The following NCSTN variants were observed in gnomAD, a reference collection of about 807,000 sequenced individuals.
The protein encoded by NCSTN is anterior pharynx-defective 2.
In NCSTN, 22 loss-of-function variants were observed where a neutral mutation model predicts 87.0. The observed-to-expected ratio is 0.25, with a 90% CI of 0.18 to 0.36. The LOEUF (loss-of-function observed/expected upper bound fraction) is 0.36. NCSTN is among the 10% of genes least tolerant of loss of function. The probability of loss-of-function intolerance (pLI) is 1.00; values close to 1 mark genes in which losing one functional copy is unlikely to be tolerated. For synonymous variants in NCSTN, 306 were observed against 327.1 expected, an observed-to-expected ratio of 0.94 and a Z score of 0.69; for missense variants, 693 against 883.3, an observed-to-expected ratio of 0.78 and a Z score of 2.73.
intron 3 of NCSTN, 77 bp from the exon 4 acceptor site, chr1:160,349,472 T>C (rs769823353): frequency 6.3e-7 from 1 of 1,584,354 alleles, no homozygotes; most frequent in South Asian, 1.1e-5. Context: ...TCCCCATTTG[T>C]TTCCATCCTG....
rs773067948 is a variant in NCSTN, at chr1:160,343,415, G to T, written c.19G>T (p.Gly7Cys). Reference sequence around the variant, plus strand: ...AGGCAAGATGGCTACGGCAGGGGGTGGCTCTGGGGCTGACCCGGGAAGTCG... The same window carrying T: ...AGGCAAGATGGCTACGGCAGGGGGTTGCTCTGGGGCTGACCCGGGAAGTCG... MATAGG[G>C]SGADPGSRGL... The change falls in exon 1 of 17, where the codon GGC becomes TGC. Residue 7 changes from glycine (G) to cysteine (C), a missense_variant. By Grantham distance (159) the Gly-to-Cys change is radical (BLOSUM62 -3). Around this residue, in one of 4 missense-constraint regions of NCSTN, gnomAD observed 235 missense variants for 233.9 expected, o/e 1.00. Coordinates refer to ENST00000294785, the MANE Select transcript of NCSTN (RefSeq NM_015331.3). The T allele has an allele frequency of 6.2e-7, 1 of 1,612,868 alleles. No individual in the cohort carries two copies.
chr1:160,353,370 A>G, intron 10 of NCSTN, 133 bp downstream of exon 10: 5 of 1,550,140 alleles, frequency 3.2e-6, no homozygotes, highest in Non-Finnish European at 3.5e-6. Context: ...GTGTTGGCCA[A>G]AGGATGAACA....
intron 2 of NCSTN, among the ~76,000 whole-genome samples, chr1:160,346,234 G>C (rs927625601): frequency 6.6e-6 from 1 of 152,136 alleles, no homozygotes. Flanking sequence ...GGAAACTTGG[G>C]GTCTGATACT....
At chr1:160,358,013 C>T (rs545368129) in intron 16 of NCSTN, 136 bp from the exon 17 acceptor site, 1 of 1,090,380 alleles carries the variant, frequency 9.2e-7, no homozygotes, top group African/African-American at 1.5e-5. Flanking sequence ...AGAGATGTTG[C>T]CCATGATTAT....
At chr1:160,354,410 C>A in intron 11 of NCSTN, 120 bp downstream of exon 11, 1 of 1,108,272 alleles carries the variant, frequency 9.0e-7, no homozygotes, top group Admixed American at 1.7e-5. Context: ...TCAGGTCCAT[C>A]TGTATTCTTT....
At chr1:160,351,185 A>T in intron 5 of NCSTN, 37 bp from the exon 6 acceptor site, 1 of 1,613,178 alleles carries the variant, frequency 6.2e-7, no homozygotes. Flanking sequence ...GGCCTCCACA[A>T]ACTAGCTGTC....
At chr1:160,343,907 C>T in intron 1 of NCSTN, 1 of 369,404 alleles carries the variant, frequency 2.7e-6, no homozygotes, top group Non-Finnish European at 5.4e-6. Flanking sequence ...CTTATTTCTT[C>T]CTCTGTTGAT....
Position 160,357,187 on chromosome 1 carries a change from A to C in NCSTN, c.1941A>C (p.Thr647=). The part of the protein sequence containing the change: ...LSQWSSTEYS[T]WTESRWKDIR... ...AGTGGAGCTCTACTGAATACTCTACATGGACTGAGAGCCGCTGGAAAGATA... is the reference window on the plus strand; with the variant it reads ...AGTGGAGCTCTACTGAATACTCTACCTGGACTGAGAGCCGCTGGAAAGATA... The change falls in exon 16 of 17, where the codon ACA becomes ACC. Residue 647 remains threonine (T), a synonymous_variant. Transcript: ENST00000294785. 3 of 1,614,192 alleles carry C rather than the reference A, an allele frequency of 1.9e-6. No homozygotes were observed. The highest frequency in any genetic ancestry group is 2.5e-6 in the Non-Finnish European group (3 of 1,180,032).
At chr1:160,351,909 C>T (rs919982186) in intron 7 of NCSTN, 104 bp downstream of exon 7, 31 of 1,471,306 alleles carry the variant, frequency 2.1e-5, no homozygotes, top group Non-Finnish European at 2.9e-5. Context: ...TGGGAAGCCT[C>T]AAATGGGGAG....
intron 8 of NCSTN, 140 bp downstream of exon 8, chr1:160,352,346 T>C: frequency 1.9e-6 from 2 of 1,051,150 alleles, no homozygotes; most frequent in Non-Finnish European, 2.8e-6. Flanking sequence ...TCTACATGTG[T>C]CTCCCCTTTA....
rs769217833 is a variant in NCSTN, at chr1:160,357,222, G to A, written c.1976G>A (p.Arg659Gln). ...AGCCGCTGGAAAGATATCCGTGCCC[G>A]GATATTTCTCATCGCCAGCAAAGAG... ...TESRWKDIRA[R>Q]IFLIASKELE... Residue 659 changes from arginine (R) to glutamine (Q), a missense_variant, in exon 16 of 17, where the codon CGG (arginine) becomes CAG (glutamine). Arg to Gln is a conservative substitution (Grantham distance 43, BLOSUM62 1). Transcript: ENST00000294785. 6 of 1,613,874 alleles carry A rather than the reference G, an allele frequency of 3.7e-6. No individual in the cohort carries two copies. Among genetic ancestry groups the A allele is most frequent in the African/African-American group, 1.3e-5 (1 of 74,914 alleles).
chr1:160,347,082 G>A (rs1178229616), intron 2 of NCSTN, among the ~76,000 whole-genome samples: 1 of 152,200 alleles, frequency 6.6e-6, no homozygotes, highest in African/African-American at 2.4e-5. Context: ...TCTACTCTAT[G>A]TTCTTAAAAC....
chr1:160,355,752 G>A lies in NCSTN; in HGVS notation c.1450G>A (p.Ala484Thr), dbSNP rs1649094644. The A allele has an allele frequency of 1.2e-6, 2 of 1,613,426 alleles. No homozygotes were observed. The highest frequency in any genetic ancestry group is 1.7e-6 in the Non-Finnish European group (2 of 1,179,294). Reference sequence around the variant, plus strand: ...GGACCTGAACTTTGTAACAGACACTGCCAAGGTAGCACTGAGCCAGGCTGG... The same window carrying A: ...GGACCTGAACTTTGTAACAGACACTACCAAGGTAGCACTGAGCCAGGCTGG... ...EEDLNFVTDT[A>T]KALADVATVL... The change falls in exon 12 of 17, where the codon GCC becomes ACC. Residue 484 changes from alanine (A) to threonine (T), a missense_variant. Ala to Thr is a moderately conservative substitution (Grantham distance 58, BLOSUM62 0). This residue lies in a region of NCSTN where 216 missense variants were observed against 311.7 expected (regional missense o/e 0.69). Transcript: ENST00000294785.
chr1:160,344,667 G>A, intron 1 of NCSTN, 55 bp from the exon 2 acceptor site: 10 of 1,603,454 alleles, frequency 6.2e-6, no homozygotes, highest in Non-Finnish European at 8.5e-6. Flanking sequence ...TGACACGATA[G>A]AAGCTAGTAC....
rs199697157 is a variant in NCSTN at position 160,350,166 on chromosome 1, G to T, written c.498G>T (p.Ser166=). Reference sequence around the variant, plus strand: ...ACTGCAGAGAAATACAGTGGAATTCGCTGGGCAATGGTTTGGCTTATGAAG... The same window carrying T: ...ACTGCAGAGAAATACAGTGGAATTCTCTGGGCAATGGTTTGGCTTATGAAG... The part of the protein sequence containing the change: ...FAHCREIQWN[S]LGNGLAYEDF... The change falls in exon 5 of 17, where the codon TCG becomes TCT. Residue 166 remains serine, a synonymous_variant. Transcript: ENST00000294785. 18 of 1,613,986 alleles carry T rather than the reference G, an allele frequency of 1.1e-5. 1 individual carries two copies. The East Asian group carries it at 2.7e-4, about 24-fold the overall frequency.
At chr1:160,344,588 G>A in intron 1 of NCSTN, 134 bp from the exon 2 acceptor site, 1 of 1,552,744 alleles carries the variant, frequency 6.4e-7, no homozygotes, top group Non-Finnish European at 8.7e-7. Flanking sequence ...GAAATCAGAA[G>A]AATGGACTTT....
Position 160,343,387 on chromosome 1 carries a change from G to C in NCSTN, c.-10G>C, listed in dbSNP as rs932174586. 3 of 1,612,918 alleles carry C rather than the reference G, an allele frequency of 1.9e-6. No individual in the cohort carries two copies. The highest frequency in any genetic ancestry group is 1.3e-5 in the African/African-American group (1 of 74,926). On this transcript the variant is annotated 5_prime_UTR_variant, in exon 1 of 17. Coordinates refer to ENST00000294785, the MANE Select transcript of NCSTN (RefSeq NM_015331.3). The stretch of plus-strand genomic sequence containing the variant: ...GCCGAACGGGGGCTTCCGCTCAGCA[G>C]AGAGGCAAGATGGCTACGGCAGGGG...
intron 2 of NCSTN, among the ~76,000 whole-genome samples, chr1:160,346,637 G>A (rs1015495521): frequency 1.8e-4 from 27 of 149,452 alleles, no homozygotes; most frequent in African/African-American, 5.9e-4. Context: ...ATGCAGTCTC[G>A]CCCTCTCGCC....
Position 160,349,682 on chromosome 1 carries a change from A to G in NCSTN, c.436+12A>G, listed in dbSNP as rs201065862. On this transcript the variant is annotated intron_variant, in intron 4 of 16. Transcript: ENST00000294785. ...AAATGATGGGTTTGGTAAGTGTCCCAAAGGATCAGGAGAGCCTACTGTCAC... is the reference window on the plus strand; with the variant it reads ...AAATGATGGGTTTGGTAAGTGTCCCGAAGGATCAGGAGAGCCTACTGTCAC... The G allele has an allele frequency of 4.3e-6, 7 of 1,613,278 alleles. No homozygotes were observed. The highest frequency in any genetic ancestry group is 1.8e-4 in the Middle Eastern group (1 of 5,482).
Sources: allele counts gnomAD v4.1 joint callset (sites outside exome capture counted in the v4.1 genomes callset), GRCh38; gene constraint gnomAD v4.1.1; regional missense constraint gnomAD v4.1.1; transcripts MANE v1.5; gene names NCBI Gene and HGNC (gene_info 2026-07-23, HGNC 2026-07-21).